GCNT2: variants seen among roughly 807,000 people sequenced by gnomAD.
GCNT2 encodes glucosaminyl (N-acetyl) transferase 2 (I blood group).
A neutral mutation model predicts 34.2 loss-of-function variants in GCNT2; 34 were observed. The observed-to-expected ratio is 1.00, with a 90% CI of 0.76 to 1.32. GCNT2 has a LOEUF of 1.32. Among genes scored for constraint, GCNT2 ranks in the 40% most tolerant of loss-of-function variants. The pLI is 0.00. For missense variants in GCNT2, 584 were observed against 489.4 expected (o/e 1.19, Z -1.82); for synonymous variants, 212 against 188.0 (o/e 1.13, Z -1.04).
intron 1 of GCNT2, among the ~76,000 whole-genome samples, chr6:10,526,140 T>A (rs605783): frequency 0.65 from 98,992 of 152,090 alleles, 33,831 homozygotes; most frequent in African/African-American, 0.87. Flanking sequence ...TTGTATGCGT[T>A]CTGTATTGAA....
chr6:10,593,851 C>G (rs992329853), intron 3 of GCNT2, among the ~76,000 whole-genome samples: 2 of 152,166 alleles, frequency 1.3e-5, no homozygotes, highest in Non-Finnish European at 2.9e-5. Flanking sequence ...TCCTTCCATC[C>G]TCCTTTGTTT....
At chr6:10,584,575 G>C (rs191445282) in intron 3 of GCNT2, among the ~76,000 whole-genome samples, 3 of 152,168 alleles carry the variant, frequency 2.0e-5, no homozygotes, top group African/African-American at 7.2e-5. Context: ...TTGTCTCAGT[G>C]GGGGGAAACC....
chr6:10,541,143 G>T (rs1319118255), intron 3 of GCNT2, among the ~76,000 whole-genome samples: 1 of 152,134 alleles, frequency 6.6e-6, no homozygotes, highest in Admixed American at 6.6e-5. Flanking sequence ...GTCTCTATTA[G>T]CTCTTCTTCC....
At chr6:10,534,718 TC>T (rs56229170) in intron 3 of GCNT2, among the ~76,000 whole-genome samples, 1 of 121,578 alleles carries the variant, frequency 8.2e-6, no homozygotes, top group East Asian at 2.1e-4. Context: ...CAAAAAATAG[TC>T]AGGCGTGGTG....
chr6:10,563,616 C>T (rs1283444872), intron 3 of GCNT2, among the ~76,000 whole-genome samples: 2 of 151,530 alleles, frequency 1.3e-5, no homozygotes, highest in African/African-American at 4.8e-5. Flanking sequence ...GTGGCAGGAC[C>T]CTGTAATCCC....
At chr6:10,529,994 A>G (rs1761406426) in intron 3 of GCNT2, 158 bp downstream of exon 3, 1 of 656,064 alleles carries the variant, frequency 1.5e-6, no homozygotes, top group African/African-American at 1.8e-5. Flanking sequence ...GGTAAAATGG[A>G]GATGTGTTAT....
chr6:10,587,938 C>T (rs1370042525), intron 3 of GCNT2, among the ~76,000 whole-genome samples: 3 of 152,200 alleles, frequency 2.0e-5, no homozygotes, highest in Non-Finnish European at 4.4e-5. Flanking sequence ...CATACATACA[C>T]ACCTGCCTGC....
chr6:10,539,965 C>T (rs573788286), intron 3 of GCNT2, among the ~76,000 whole-genome samples: 2 of 152,172 alleles, frequency 1.3e-5, no homozygotes, highest in East Asian at 3.9e-4. Context: ...GTAGTCCCAG[C>T]TACTTGGGAG....
intron 3 of GCNT2, among the ~76,000 whole-genome samples, chr6:10,554,923 G>A (rs6939502): frequency 0.027 from 4,155 of 152,256 alleles, 173 homozygotes; most frequent in African/African-American, 0.094. Context: ...GAATGGAAGC[G>A]ACAGTGTGCT....
chr6:10,582,516 T>TCA, intron 3 of GCNT2, among the ~76,000 whole-genome samples: 1 of 99,142 alleles, frequency 1.0e-5, no homozygotes, highest in South Asian at 2.4e-4. Flanking sequence ...ACATCATATA[T>TCA]TATATTATAC....
chr6:10,527,300 C>G (rs1761240595), intron 1 of GCNT2, 174 bp from the exon 2 acceptor site: 1 of 152,216 alleles, frequency 6.6e-6, no homozygotes, highest in Admixed American at 6.5e-5. Context: ...TGGCAGGTGT[C>G]TGTAATTCCA....
intron 3 of GCNT2, among the ~76,000 whole-genome samples, chr6:10,562,229 A>G (rs540917901): frequency 2.2e-4 from 33 of 152,190 alleles, no homozygotes; most frequent in Middle Eastern, 3.2e-3. Flanking sequence ...GGGTACAACC[A>G]GGTCGAGATG....
At chr6:10,618,424 G>A (rs1389571810) in intron 3 of GCNT2, among the ~76,000 whole-genome samples, 1 of 152,168 alleles carries the variant, frequency 6.6e-6, no homozygotes, top group Non-Finnish European at 1.5e-5. Context: ...CTGCAATAAT[G>A]GAATCTGTTT....
At chr6:10,556,841 C>T in intron 3 of GCNT2, 1 of 1,614,184 alleles carries the variant, frequency 6.2e-7, no homozygotes, top group South Asian at 1.1e-5. Flanking sequence ...TGCGGTAGAG[C>T]AACTATTAAG....
At chr6:10,532,363 T>C (rs1761535575) in intron 3 of GCNT2, among the ~76,000 whole-genome samples, 1 of 152,218 alleles carries the variant, frequency 6.6e-6, no homozygotes, top group East Asian at 1.9e-4. Context: ...TAACAAAAGT[T>C]AGCCCCTGAA....
intron 3 of GCNT2, among the ~76,000 whole-genome samples, chr6:10,590,918 G>A (rs34950004): frequency 0.11 from 16,750 of 152,132 alleles, 1,107 homozygotes; most frequent in Middle Eastern, 0.17. Context: ...CTTCGTGTTT[G>A]ATGCCCTTCC....
chr6:10,572,708 T>G (rs1008053232), intron 3 of GCNT2, among the ~76,000 whole-genome samples: 1 of 151,976 alleles, frequency 6.6e-6, no homozygotes, highest in Admixed American at 6.6e-5. Flanking sequence ...CACTCCAGCC[T>G]GGATGACAGA....
chr6:10,559,957 T>A (rs1186995185), intron 3 of GCNT2, among the ~76,000 whole-genome samples: 1 of 152,244 alleles, frequency 6.6e-6, no homozygotes, highest in East Asian at 1.9e-4. Context: ...TCTCTCTACC[T>A]TCAAAGGCAG....
Position 10,528,649 on chromosome 6 carries a change from C to A in GCNT2, c.-263C>A. Reference sequence around the variant, plus strand: ...TGTGTAGACACAGGTTGCAGGTTAGCAGGAGAACAGGCAAGCCAAATGCAA... The same window carrying A: ...TGTGTAGACACAGGTTGCAGGTTAGAAGGAGAACAGGCAAGCCAAATGCAA... On this transcript the variant is annotated 5_prime_UTR_variant, in exon 3 of 5. Coordinates refer to ENST00000495262, the MANE Select transcript of GCNT2 (RefSeq NM_145649.5). 4 of 528,116 alleles carry A rather than the reference C, an allele frequency of 7.6e-6. No individual in the cohort carries two copies. Among genetic ancestry groups the A allele is most frequent in the Non-Finnish European group, 1.4e-5 (4 of 293,458 alleles). The allele number at this position is 528,116 out of a possible 1,614,324, so 32.7% of individuals were successfully genotyped here.
Sources: gnomAD v4.1 joint callset for allele counts (sites outside exome capture counted in the v4.1 genomes callset) on GRCh38, gnomAD v4.1.1 for gene constraint, MANE v1.5 for transcripts, NCBI Gene and HGNC (gene_info 2026-07-23, HGNC 2026-07-21) for gene names.